The following REG4 variants were observed in gnomAD, a reference collection of about 807,000 sequenced individuals.
The protein encoded by REG4 is regenerating islet-derived protein 4.
In REG4, 16 loss-of-function variants were observed where a neutral mutation model predicts 22.3. That is an observed-to-expected ratio of 0.72 (90% CI 0.49 to 1.09). The LOEUF is 1.09. Among genes scored for constraint, REG4 ranks in the 50% least tolerant of loss-of-function variants. The probability of loss-of-function intolerance (pLI) is 0.00; values close to 1 mark genes in which losing one functional copy is unlikely to be tolerated. For synonymous variants in REG4, 71 were observed against 69.2 expected (o/e 1.03, Z -0.13); for missense variants, 214 against 193.9 (o/e 1.10, Z -0.61).
chr1:119,802,941 C>A (rs1345260927), intron 3 of REG4, 127 bp downstream of exon 3: 5 of 1,563,022 alleles, frequency 3.2e-6, no homozygotes, highest in Middle Eastern at 1.7e-4. Context: ...CTCCATTTCA[C>A]CAGCCAAAGG....
intron 2 of REG4, among the ~76,000 whole-genome samples, chr1:119,805,526 G>A (rs997040289): frequency 6.6e-6 from 1 of 152,092 alleles, no homozygotes; most frequent in Non-Finnish European, 1.5e-5. Flanking sequence ...GAAAGCAGAG[G>A]GCCGAGGGAC....
chr1:119,796,943 C>T (rs1653952916), intron 5 of REG4, among the ~76,000 whole-genome samples: 1 of 152,224 alleles, frequency 6.6e-6, no homozygotes, highest in Admixed American at 6.5e-5. Context: ...ATCTGGTCTA[C>T]TGCTCCCAAA....
chr1:119,797,260 G>T (rs1165482494), intron 5 of REG4, among the ~76,000 whole-genome samples: 1 of 152,114 alleles, frequency 6.6e-6, no homozygotes, highest in African/African-American at 2.4e-5. Context: ...TATTGGTTTT[G>T]GTTGTGTTTT....
chr1:119,801,979 A>C (rs1156570512), intron 3 of REG4: 1 of 152,192 alleles, frequency 6.6e-6, no homozygotes, highest in Non-Finnish European at 1.5e-5. Context: ...AAAGGGAGGT[A>C]CCTAGGGAGT....
intron 5 of REG4, among the ~76,000 whole-genome samples, chr1:119,797,387 G>A (rs1285537504): frequency 6.6e-6 from 1 of 152,144 alleles, no homozygotes; most frequent in Non-Finnish European, 1.5e-5. Context: ...GTCTCCTCAT[G>A]CCTGCCCTTT....
intron 1 of REG4, among the ~76,000 whole-genome samples, chr1:119,809,858 C>T (rs1396678655): frequency 1.3e-5 from 2 of 152,018 alleles, no homozygotes; most frequent in East Asian, 3.8e-4. Context: ...AAGTTTTTGG[C>T]TAATTTTGGT....
chr1:119,803,167 T>C lies in REG4; in HGVS notation c.68-2A>G. 1.3e-6 allele frequency: 2 copies of C among 1,513,612 alleles called. No homozygotes were observed. The highest frequency in any genetic ancestry group is 1.8e-6 in the Non-Finnish European group (2 of 1,132,134). The allele number at this position is 1,513,612 out of a possible 1,614,324, so 93.8% of individuals were successfully genotyped here. On this transcript the variant is annotated splice_acceptor_variant, in intron 2 of 5. Transcript: ENST00000256585. LOFTEE classifies it high-confidence loss of function. ...CACAGCTGGGTCTCATGATGATATC[T>C]GCACATAAACAAAAGGCAATTGCAC...
rs757775996 is a variant in REG4 at position 119,808,703 on chromosome 1, C to T, written c.67G>A (p.Asp23Asn). 1.9e-6 allele frequency: 3 copies of T among 1,612,316 alleles called. No homozygotes were observed. Among genetic ancestry groups the T allele is most frequent in the African/African-American group, 1.3e-5 (1 of 74,874 alleles). Residue 23 changes from aspartate (D) to asparagine (N), a missense_variant and splice_region_variant, in exon 2 of 6, where the codon GAT becomes AAT. Coordinates refer to ENST00000256585, the MANE Select transcript of REG4 (RefSeq NM_032044.4). Reference sequence around the variant, plus strand: ...TTCCAGCTACGTGATGGATACTCACCACCCAGGACTCCTGTTTTGGCCAGG... The same window carrying T: ...TTCCAGCTACGTGATGGATACTCACTACCCAGGACTCCTGTTTTGGCCAGG... ...SCLAKTGVLGDIIMRPSCAPG... is the reference protein window; with the variant it reads ...SCLAKTGVLGNIIMRPSCAPG...
In REG4 at chr1:119,794,542, T is replaced by C. The variant is rs587773881; in HGVS notation, c.*76A>G. 6.4e-4 allele frequency: 846 copies of C among 1,322,056 alleles called. 2 individuals are homozygous for C. The highest frequency in any genetic ancestry group is 8.6e-4 in the Non-Finnish European group (790 of 914,222). The allele number at this position is 1,322,056 out of a possible 1,614,324, so 81.9% of individuals were successfully genotyped here. ...TTGCTAGGTTTCCCCTCTGAAATAA[T>C]GAGCAGATTTAGCCAGGCTAGCAGA... On this transcript the variant is annotated 3_prime_UTR_variant, in exon 6 of 6. Transcript: ENST00000256585.
chr1:119,798,600 C>T lies in REG4; in HGVS notation c.306G>A (p.Arg102=). 1 of 1,613,916 alleles carries T rather than the reference C, an allele frequency of 6.2e-7. No individual in the cohort carries two copies. Among genetic ancestry groups the T allele is most frequent in the Non-Finnish European group, 8.5e-7 (1 of 1,179,772 alleles). ...IWIGLHDPQK[R]QQWQWIDGAM... is the part of the protein sequence containing the mutation. ...CCCCATCAATCCACTGCCACTGCTG[C>T]CTCTGCAACAACAGGAGATGGAGAA... Residue 102 remains arginine (R), a splice_region_variant and synonymous_variant, in exon 5 of 6, where the codon AGG becomes AGA. Coordinates refer to ENST00000256585, the MANE Select transcript of REG4 (RefSeq NM_032044.4).
At position 119,799,737 on chromosome 1, in the gene REG4, G is replaced by T; in HGVS notation, c.291C>A (p.His97Gln). The change falls in exon 4 of 6, where the codon CAC becomes CAA. Residue 97 changes from histidine to glutamine, a missense_variant. By Grantham distance (24) the His-to-Gln change is conservative. Transcript: ENST00000256585. ...QRSQPIWIGLHDPQKRQQWQW... is the reference protein window; with the variant it reads ...QRSQPIWIGLQDPQKRQQWQW... ...AGTCTGAGGTTACCTTCTGTGGGTC[G>T]TGCAGGCCAATCCATATCGGCTGGC... is the stretch of plus-strand genomic sequence containing the variant. 6.2e-7 allele frequency: 1 copy of T among 1,613,950 alleles called. No individual in the cohort carries two copies.
Position 119,794,544 on chromosome 1 carries a change from A to G in REG4, c.*74T>C. 1 of 1,331,922 alleles carries G rather than the reference A, an allele frequency of 7.5e-7. No homozygotes were observed. Among genetic ancestry groups the G allele is most frequent in the Non-Finnish European group, 1.1e-6 (1 of 923,058 alleles). 82.5% of individuals were successfully genotyped at this position (1,331,922 alleles called of 1,614,324 possible). On this transcript the variant is annotated 3_prime_UTR_variant, in exon 6 of 6. Transcript: ENST00000256585. ...GCTAGGTTTCCCCTCTGAAATAATG[A>G]GCAGATTTAGCCAGGCTAGCAGAAA...
chr1:119,806,507 T>C (rs1461711982), intron 2 of REG4, among the ~76,000 whole-genome samples: 1 of 152,168 alleles, frequency 6.6e-6, no homozygotes, highest in Non-Finnish European at 1.5e-5. Flanking sequence ...CCTACATGGG[T>C]CAAGCACATT....
At chr1:119,795,237 C>T (rs729233) in intron 5 of REG4, among the ~76,000 whole-genome samples, 4,648 of 152,254 alleles carry the variant, frequency 0.031, 171 homozygotes, top group East Asian at 0.095. Flanking sequence ...ATGGCAAAAG[C>T]TCCACTCCAG....
At chr1:119,798,834 G>A (rs1460472295) in intron 4 of REG4, among the ~76,000 whole-genome samples, 2 of 152,128 alleles carry the variant, frequency 1.3e-5, no homozygotes, top group South Asian at 2.1e-4. Context: ...CCATCTGAAT[G>A]ACAGGGTTCT....
intron 2 of REG4, among the ~76,000 whole-genome samples, chr1:119,805,343 G>C (rs73000462): frequency 5.9e-5 from 9 of 152,224 alleles, no homozygotes; most frequent in Admixed American, 5.2e-4. Context: ...GTGGCAAAGA[G>C]GAACCCAAAT....
chr1:119,808,606 G>C, intron 2 of REG4, 97 bp downstream of exon 2: 1 of 842,934 alleles, frequency 1.2e-6, no homozygotes, highest in Non-Finnish European at 1.9e-6. Context: ...ATTTCCTGCA[G>C]TTCCTAAATG....
At chr1:119,805,854 C>T (rs587702398) in intron 2 of REG4, among the ~76,000 whole-genome samples, 48 of 152,216 alleles carry the variant, frequency 3.2e-4, no homozygotes, top group African/African-American at 1.1e-3. Flanking sequence ...GCCCCACACT[C>T]TGCAAGTTGC....
At chr1:119,800,579 G>A (rs1342121929) in intron 3 of REG4, among the ~76,000 whole-genome samples, 1 of 152,154 alleles carries the variant, frequency 6.6e-6, no homozygotes, top group African/African-American at 2.4e-5. Context: ...AGAGAGCCCA[G>A]CTCTCCCTAA....
Sources: gnomAD v4.1 joint callset for allele counts (sites outside exome capture counted in the v4.1 genomes callset) on GRCh38, gnomAD v4.1.1 for gene constraint, MANE v1.5 for transcripts, NCBI Gene and HGNC (gene_info 2026-07-23, HGNC 2026-07-21) for gene names.